Variants in DENND4C observed in about 807,000 individuals in gnomAD.
The protein encoded by DENND4C is DENN domain containing 4C.
In DENND4C, 108 loss-of-function variants were observed where a neutral mutation model predicts 203.0. The observed-to-expected ratio is 0.53, with a 90% CI of 0.46 to 0.62. The LOEUF is 0.62. Ranked by LOEUF, DENND4C falls within the 20% of genes least tolerant of loss-of-function variation. DENND4C has a pLI of 0.00. For missense variants in DENND4C, 2,481 were observed against 2,301.2 expected (o/e 1.08, Z -1.60); for synonymous variants, 871 against 792.4 (o/e 1.10, Z -1.67).
intron 1 of DENND4C, among the ~76,000 whole-genome samples, chr9:19,255,913 C>A (rs947612686): frequency 1.3e-5 from 2 of 151,748 alleles, no homozygotes; most frequent in African/African-American, 4.9e-5. Context: ...AGACATTCTG[C>A]TAAAGTGCAC....
chr9:19,270,215 G>A (rs1423060103), intron 1 of DENND4C, among the ~76,000 whole-genome samples: 2 of 152,172 alleles, frequency 1.3e-5, no homozygotes, highest in East Asian at 3.9e-4. Context: ...GGTTAGACCT[G>A]AAACCAGCAC....
chr9:19,315,508 T>C (rs1028581325), intron 10 of DENND4C, among the ~76,000 whole-genome samples: 2 of 150,578 alleles, frequency 1.3e-5, no homozygotes, highest in African/African-American at 2.4e-5. Context: ...TATATATACA[T>C]GTATGTATAT....
At chr9:19,331,840 C>T (rs535373118) in intron 16 of DENND4C, 138 bp from the exon 17 acceptor site, 1 of 698,984 alleles carries the variant, frequency 1.4e-6, no homozygotes, top group African/African-American at 1.8e-5. Context: ...CAGGAAGCCA[C>T]TCACAAAAGT....
intron 17 of DENND4C, 35 bp from the exon 18 acceptor site, chr9:19,334,942 A>G (rs1820100675): frequency 1.9e-6 from 3 of 1,561,774 alleles, no homozygotes; most frequent in Admixed American, 2.0e-5. Flanking sequence ...AGATTAGTAT[A>G]CTAATTACTG....
intron 2 of DENND4C, among the ~76,000 whole-genome samples, chr9:19,285,032 C>G (rs1211342306): frequency 6.6e-6 from 1 of 152,106 alleles, no homozygotes; most frequent in Non-Finnish European, 1.5e-5. Context: ...GGGGGATCCC[C>G]TTCTGGTGTG....
At chr9:19,330,929 G>T (rs1391270042) in intron 16 of DENND4C, among the ~76,000 whole-genome samples, 1 of 151,614 alleles carries the variant, frequency 6.6e-6, no homozygotes, top group Non-Finnish European at 1.5e-5. Context: ...GGTGGTGGGT[G>T]CCTGTAATCC....
chr9:19,349,444 A>G (rs1482902278), intron 23 of DENND4C, among the ~76,000 whole-genome samples: 4 of 152,170 alleles, frequency 2.6e-5, no homozygotes, highest in Non-Finnish European at 1.5e-5. Context: ...ACAGAAGTAC[A>G]TTACACAGGG....
chr9:19,241,793 C>T (rs67295891), intron 1 of DENND4C, among the ~76,000 whole-genome samples: 11,261 of 151,610 alleles, frequency 0.074, 514 homozygotes, highest in South Asian at 0.16. Context: ...TGAGGTGGGA[C>T]GATCGCTTGA....
chr9:19,326,375 T>C (rs561553810), intron 15 of DENND4C, among the ~76,000 whole-genome samples, 181 bp downstream of exon 15: 1 of 152,278 alleles, frequency 6.6e-6, no homozygotes, highest in Admixed American at 6.5e-5. Context: ...TTGGATGGTA[T>C]TGTCAGATGT....
At chr9:19,292,447 G>A (rs989131999) in intron 5 of DENND4C, 4 of 151,338 alleles carry the variant, frequency 2.6e-5, no homozygotes, top group African/African-American at 7.3e-5. Context: ...CAGTAATAAT[G>A]ACATAAACTG....
intron 1 of DENND4C, among the ~76,000 whole-genome samples, chr9:19,237,767 T>C (rs1822395329): frequency 6.6e-6 from 1 of 152,308 alleles, no homozygotes; most frequent in South Asian, 2.1e-4. Flanking sequence ...ATTAATGCTA[T>C]CCTCTAGAAA....
At chr9:19,245,948 T>C (rs932932998) in intron 1 of DENND4C, among the ~76,000 whole-genome samples, 1 of 84,868 alleles carries the variant, frequency 1.2e-5, no homozygotes, top group African/African-American at 4.5e-5. Context: ...TTGATATTTC[T>C]TGGAATCCAA....
At chr9:19,247,860 A>G (rs1039883606) in intron 1 of DENND4C, among the ~76,000 whole-genome samples, 1 of 152,200 alleles carries the variant, frequency 6.6e-6, no homozygotes, top group African/African-American at 2.4e-5. Context: ...GCTGGAAATC[A>G]TACTTGCTTT....
At position 19,304,253 on chromosome 9, in the gene DENND4C, C is replaced by T. The variant is rs576039265; in HGVS notation, c.1312-1099C>T. On this transcript the variant is annotated intron_variant, in intron 9 of 32. Transcript: ENST00000434457. The stretch of plus-strand genomic sequence containing the variant: ...AGGCTGGAGTGCAGTGGTGCAAACT[C>T]GGCTCACTGCAACCTCTGCCTCCCG... 1.5e-4 allele frequency among the ~76,000 whole-genome samples: 22 copies of T among 149,060 alleles called. No homozygotes were observed. The South Asian group carries it at 3.8e-3, about 26-fold the overall frequency.
At chr9:19,369,808 A>G in intron 30 of DENND4C, 29 bp from the exon 31 acceptor site, 1 of 1,372,978 alleles carries the variant, frequency 7.3e-7, no homozygotes, top group Non-Finnish European at 9.5e-7. Context: ...TAATAATTGA[A>G]AAAAAACTTA....
At chr9:19,289,431 C>G (rs938380834) in intron 4 of DENND4C, among the ~76,000 whole-genome samples, 11 of 152,114 alleles carry the variant, frequency 7.2e-5, no homozygotes, top group African/African-American at 2.4e-4. Flanking sequence ...TCCAAAAAAT[C>G]GTGATTTTCA....
chr9:19,259,322 T>G (rs955153520), intron 1 of DENND4C, among the ~76,000 whole-genome samples: 40 of 152,072 alleles, frequency 2.6e-4, no homozygotes, highest in Admixed American at 2.6e-3. Context: ...TTTTAAGTTG[T>G]AGCTCCCACA....
rs1217208248 is a variant in DENND4C, at chr9:19,295,602, G to A, written c.802-406G>A. Among the ~76,000 whole-genome samples, 6 of 151,414 alleles carry A rather than the reference G, an allele frequency of 4.0e-5. 1 individual carries two copies. Among genetic ancestry groups the A allele is most frequent in the South Asian group, 4.2e-4 (2 of 4,782 alleles). On this transcript the variant is annotated intron_variant, in intron 5 of 32. Coordinates refer to ENST00000434457, the MANE Select transcript of DENND4C (RefSeq NM_001330640.2). ...AAGCAGTCACTTGAACCTGGGAGGC[G>A]GAGGTTGCAGTGAGCTGAGATTGCG...
intron 3 of DENND4C, among the ~76,000 whole-genome samples, chr9:19,287,885 A>T (rs1054942689): frequency 5.3e-5 from 8 of 152,136 alleles, no homozygotes; most frequent in Admixed American, 2.6e-4. Flanking sequence ...GGCGTGCGCC[A>T]CTACGCCCAC....
Sources: allele counts gnomAD v4.1 joint callset (sites outside exome capture counted in the v4.1 genomes callset), GRCh38; gene constraint gnomAD v4.1.1; transcripts MANE v1.5; gene names NCBI Gene and HGNC (gene_info 2026-07-23, HGNC 2026-07-21).